The following ALG5 variants were observed in gnomAD, a reference collection of about 807,000 sequenced individuals.
ALG5 encodes dolichyl-phosphate beta-glucosyltransferase.
In ALG5, 26 loss-of-function variants were observed where a neutral mutation model predicts 51.8. The ratio of observed to expected loss-of-function variants is 0.50; its 90% CI spans 0.37 to 0.70. ALG5 has a LOEUF of 0.70. Ranked by LOEUF, ALG5 falls within the 30% of genes least tolerant of loss-of-function variation. The pLI, the probability that ALG5 is intolerant of heterozygous loss-of-function variation, is 0.00. For synonymous variants in ALG5, 141 were observed against 136.1 expected (o/e 1.04, Z -0.25); for missense variants, 311 against 399.3 (o/e 0.78, Z 1.88).
chr13:36,996,788 G>C (rs1032829348), intron 1 of ALG5, among the ~76,000 whole-genome samples: 1 of 152,150 alleles, frequency 6.6e-6, no homozygotes, highest in Non-Finnish European at 1.5e-5. Flanking sequence ...AATAAATGAA[G>C]GATACAATGA....
intron 6 of ALG5, among the ~76,000 whole-genome samples, chr13:36,977,327 A>C (rs1256198303): frequency 6.6e-6 from 1 of 152,176 alleles, no homozygotes; most frequent in East Asian, 1.9e-4. Flanking sequence ...GGTTTTTTAA[A>C]ATGAGTATTT....
At chr13:36,996,819 C>T (rs549666280) in intron 1 of ALG5, among the ~76,000 whole-genome samples, 130 of 152,160 alleles carry the variant, frequency 8.5e-4, no homozygotes, top group African/African-American at 3.0e-3. Context: ...CTTTGCAACC[C>T]GCAATGAAAT....
intron 1 of ALG5, among the ~76,000 whole-genome samples, chr13:36,996,116 C>A (rs897074399): frequency 2.0e-5 from 3 of 152,162 alleles, no homozygotes; most frequent in Admixed American, 6.5e-5. Flanking sequence ...CCCAGACTAC[C>A]AAGTAGGGAC....
upstream of ALG5, chr13:36,999,349 A>T (rs1367395898): frequency 6.7e-7 from 1 of 1,482,570 alleles, no homozygotes; most frequent in Non-Finnish European, 9.0e-7. Flanking sequence ...ACACAGGCGG[A>T]AGCGCGCCCG....
At chr13:36,980,998 A>G (rs1288864112) in intron 6 of ALG5, among the ~76,000 whole-genome samples, 1 of 152,066 alleles carries the variant, frequency 6.6e-6, no homozygotes, top group African/African-American at 2.4e-5. Flanking sequence ...ATAAAATAAA[A>G]TTTTTAGTAT....
At chr13:36,977,815 C>CAAAAAAA (rs1196106688) in intron 6 of ALG5, among the ~76,000 whole-genome samples, 33 of 96,702 alleles carry the variant, frequency 3.4e-4, no homozygotes, top group African/African-American at 1.4e-3. Context: ...AAAAAAAAAA[C>CAAAAAAA]AAAAACGGTG....
At chr13:36,962,754 T>C (rs952105185) in intron 8 of ALG5, among the ~76,000 whole-genome samples, 1 of 152,196 alleles carries the variant, frequency 6.6e-6, no homozygotes, top group African/African-American at 2.4e-5. Flanking sequence ...CAAGAACTGC[T>C]GTCTAATACA....
chr13:36,991,080 C>T (rs1473869348), intron 4 of ALG5, among the ~76,000 whole-genome samples: 1 of 152,198 alleles, frequency 6.6e-6, no homozygotes, highest in Non-Finnish European at 1.5e-5. Flanking sequence ...CTTTGTGATT[C>T]AGCCTTCACC....
chr13:36,993,758 C>G (rs969822829), intron 3 of ALG5, 86 bp from the exon 4 acceptor site: 24 of 1,067,272 alleles, frequency 2.2e-5, no homozygotes, highest in Non-Finnish European at 3.4e-5. Context: ...TAAAAAACAA[C>G]TGCTTTAGTG....
intron 4 of ALG5, among the ~76,000 whole-genome samples, chr13:36,990,334 C>T (rs903436740): frequency 6.6e-6 from 1 of 152,210 alleles, no homozygotes; most frequent in Non-Finnish European, 1.5e-5. Flanking sequence ...AACCTTAGCC[C>T]ATCAGGTACC....
At chr13:36,987,804 C>T (rs1420810071) in intron 5 of ALG5, among the ~76,000 whole-genome samples, 3 of 152,176 alleles carry the variant, frequency 2.0e-5, no homozygotes, top group Non-Finnish European at 4.4e-5. Flanking sequence ...ATTTTCTTCT[C>T]TTCTGTCACT....
intron 1 of ALG5, among the ~76,000 whole-genome samples, chr13:36,998,514 C>T (rs1277624849): frequency 6.6e-6 from 1 of 152,108 alleles, no homozygotes; most frequent in African/African-American, 2.4e-5. Flanking sequence ...AGAGAGTTCG[C>T]CAATTTTCTA....
At chr13:36,950,625 G>A (rs2058813940) in intron 9 of ALG5, among the ~76,000 whole-genome samples, 1 of 151,666 alleles carries the variant, frequency 6.6e-6, no homozygotes, top group Non-Finnish European at 1.5e-5. Flanking sequence ...TGTCACCCAG[G>A]CTGTAGTGCA....
chr13:36,998,026 C>A (rs1279309938), intron 1 of ALG5, among the ~76,000 whole-genome samples: 1 of 152,034 alleles, frequency 6.6e-6, no homozygotes, highest in Admixed American at 6.6e-5. Context: ...CCTATTAAAC[C>A]AAGTGCAACA....
intron 6 of ALG5, among the ~76,000 whole-genome samples, chr13:36,972,426 C>A (rs1214419248): frequency 1.3e-5 from 2 of 151,914 alleles, no homozygotes; most frequent in African/African-American, 2.4e-5. Context: ...ACATTAGAAA[C>A]AAAGAATTTT....
At chr13:36,976,539 G>C (rs1399258975) in intron 6 of ALG5, among the ~76,000 whole-genome samples, 5 of 152,010 alleles carry the variant, frequency 3.3e-5, no homozygotes, top group Non-Finnish European at 5.9e-5. Context: ...CCTGAGGTCA[G>C]GAGTTCAAGA....
intron 6 of ALG5, among the ~76,000 whole-genome samples, chr13:36,973,755 A>G (rs2138803470): frequency 6.6e-6 from 1 of 152,350 alleles, no homozygotes; most frequent in African/African-American, 2.4e-5. Flanking sequence ...ACCCAAAAAT[A>G]CAGTTGGAAA....
intron 8 of ALG5, among the ~76,000 whole-genome samples, chr13:36,954,507 C>A (rs768740088): frequency 6.6e-5 from 10 of 152,038 alleles, no homozygotes; most frequent in Admixed American, 6.6e-4. Context: ...TAAATTATGT[C>A]TTTCTCCTCT....
At chr13:36,951,296 C>G (rs1244129642) in intron 9 of ALG5, among the ~76,000 whole-genome samples, 2 of 152,198 alleles carry the variant, frequency 1.3e-5, no homozygotes, top group Admixed American at 6.5e-5. Context: ...ATCCTTTGAC[C>G]TGCTTCCCAA....
Sources: gnomAD v4.1 joint callset for allele counts (sites outside exome capture counted in the v4.1 genomes callset) on GRCh38, gnomAD v4.1.1 for gene constraint, MANE v1.5 for transcripts, NCBI Gene and HGNC (gene_info 2026-07-23, HGNC 2026-07-21) for gene names.